Variants in PTPRD observed in about 807,000 individuals in gnomAD.
PTPRD encodes the protein protein tyrosine phosphatase receptor type D.
In PTPRD, 34 loss-of-function variants were observed where a neutral mutation model predicts 214.5. The observed-to-expected ratio is 0.16, with a 90% CI of 0.12 to 0.21. The LOEUF (loss-of-function observed/expected upper bound fraction) is 0.21, where lower values mean the gene tolerates loss of function less well. PTPRD is among the 10% of genes least tolerant of loss of function. The pLI, the probability that PTPRD is intolerant of heterozygous loss-of-function variation, is 1.00. For synonymous variants in PTPRD, 1,128 were observed against 845.7 expected (o/e 1.33, Z -5.79); for missense variants, 2,545 against 2,398.7 (o/e 1.06, Z -1.27).
At chr9:9,324,102 G>T (rs892346314) in intron 9 of PTPRD, among the ~76,000 whole-genome samples, 4 of 152,116 alleles carry the variant, frequency 2.6e-5, no homozygotes, top group African/African-American at 9.7e-5. Context: ...ATGGACATTT[G>T]GGTTGGTTCC....
intron 3 of PTPRD, among the ~76,000 whole-genome samples, chr9:10,226,225 A>G (rs1447841197): frequency 6.6e-6 from 1 of 152,000 alleles, no homozygotes; most frequent in Non-Finnish European, 1.5e-5. Flanking sequence ...GCTTCTGCCA[A>G]CTCACCTACT....
At chr9:8,439,863 C>A (rs1451975391) in intron 34 of PTPRD, among the ~76,000 whole-genome samples, 2 of 151,220 alleles carry the variant, frequency 1.3e-5, no homozygotes, top group Admixed American at 6.6e-5. Context: ...GCAACCTGAC[C>A]ACTGCTCAGT....
intron 9 of PTPRD, among the ~76,000 whole-genome samples, chr9:9,219,332 T>C (rs901011230): frequency 2.6e-5 from 4 of 152,100 alleles, no homozygotes; most frequent in African/African-American, 2.4e-5. Context: ...AATAGGATTA[T>C]ATTTCAGGGA....
chr9:9,656,626 A>G (rs573416655), intron 7 of PTPRD, among the ~76,000 whole-genome samples: 37 of 152,298 alleles, frequency 2.4e-4, no homozygotes, highest in African/African-American at 8.9e-4. Flanking sequence ...GGAGCAGTGC[A>G]GAGGAATAGG....
chr9:9,420,408 T>C (rs1041567642), intron 8 of PTPRD, among the ~76,000 whole-genome samples: 6 of 151,840 alleles, frequency 4.0e-5, no homozygotes, highest in Admixed American at 2.0e-4. Flanking sequence ...GCCTCCCCTA[T>C]TGTTTATCAT....
intron 11 of PTPRD, among the ~76,000 whole-genome samples, chr9:8,983,449 G>A (rs1010165983): frequency 1.1e-4 from 16 of 151,828 alleles, no homozygotes; most frequent in East Asian, 5.8e-4. Context: ...TGTTCAATAC[G>A]TTTTCTCTTA....
intron 3 of PTPRD, among the ~76,000 whole-genome samples, chr9:10,297,372 C>G (rs1018253299): frequency 2.6e-5 from 4 of 151,496 alleles, no homozygotes. Context: ...CTTTGCACAC[C>G]AAGTGTGGGA....
intron 10 of PTPRD, among the ~76,000 whole-genome samples, chr9:9,149,034 T>C (rs1166749283): frequency 6.6e-6 from 1 of 152,148 alleles, no homozygotes. Context: ...ATGAAGAACT[T>C]TATTTTCAGT....
At chr9:10,156,313 C>G (rs1222680810) in intron 3 of PTPRD, among the ~76,000 whole-genome samples, 1 of 152,058 alleles carries the variant, frequency 6.6e-6, no homozygotes, top group Non-Finnish European at 1.5e-5. Context: ...TAGCTATGTG[C>G]CAGAGATTCT....
At chr9:9,787,176 C>A (rs192880708) in intron 5 of PTPRD, among the ~76,000 whole-genome samples, 1 of 151,098 alleles carries the variant, frequency 6.6e-6, no homozygotes, top group African/African-American at 2.4e-5. Context: ...GTTTAAAAAT[C>A]AATTTTATTT....
At chr9:8,939,655 T>A (rs902915612) in intron 11 of PTPRD, among the ~76,000 whole-genome samples, 6 of 152,176 alleles carry the variant, frequency 3.9e-5, no homozygotes, top group Admixed American at 6.5e-5. Context: ...AAAGGCAATC[T>A]GAAAAAGAAT....
intron 11 of PTPRD, among the ~76,000 whole-genome samples, chr9:8,857,377 C>T (rs1586706396): frequency 6.6e-6 from 1 of 152,308 alleles, no homozygotes; most frequent in East Asian, 1.9e-4. Context: ...CATACCCGGA[C>T]ACCCCCATTC....
At chr9:9,243,928 C>A (rs1342475129) in intron 9 of PTPRD, among the ~76,000 whole-genome samples, 1 of 152,182 alleles carries the variant, frequency 6.6e-6, no homozygotes, top group African/African-American at 2.4e-5. Context: ...AGCTGACAAG[C>A]AACTTCAGCA....
At chr9:10,135,376 G>C (rs562243746) in intron 3 of PTPRD, among the ~76,000 whole-genome samples, 3 of 152,028 alleles carry the variant, frequency 2.0e-5, no homozygotes, top group African/African-American at 7.2e-5. Flanking sequence ...AAAATACACA[G>C]AACCCCCATG....
intron 4 of PTPRD, among the ~76,000 whole-genome samples, chr9:9,980,301 T>C (rs886635897): frequency 4.0e-5 from 6 of 151,716 alleles, no homozygotes; most frequent in Non-Finnish European, 8.8e-5. Flanking sequence ...ATAACACATA[T>C]CTGTGGTATT....
intron 10 of PTPRD, among the ~76,000 whole-genome samples, chr9:9,081,031 T>A (rs2099758263): frequency 6.6e-6 from 1 of 152,158 alleles, no homozygotes; most frequent in Non-Finnish European, 1.5e-5. Context: ...TCTTTTCTTC[T>A]GCTAGCTTTT....
At chr9:8,986,012 C>A (rs1164893185) in intron 11 of PTPRD, among the ~76,000 whole-genome samples, 1 of 151,994 alleles carries the variant, frequency 6.6e-6, no homozygotes, top group Non-Finnish European at 1.5e-5. Flanking sequence ...AGCTTTTTTA[C>A]AGTAGTTGAT....
chr9:9,957,124 CATTTT>C (rs1205640064), intron 4 of PTPRD, among the ~76,000 whole-genome samples: 1 of 152,104 alleles, frequency 6.6e-6, no homozygotes, highest in Admixed American at 6.5e-5. Context: ...CCACTGTATT[CATTTT>C]GACTCCACAA....
At chr9:9,244,456 A>C (rs891697537) in intron 9 of PTPRD, among the ~76,000 whole-genome samples, 22 of 152,290 alleles carry the variant, frequency 1.4e-4, no homozygotes, top group Non-Finnish European at 1.8e-4. Context: ...CCAATGGAAC[A>C]GAACAGAGCC....
Sources: allele counts gnomAD v4.1 joint callset (sites outside exome capture counted in the v4.1 genomes callset), GRCh38; gene constraint gnomAD v4.1.1; transcripts MANE v1.5; gene names NCBI Gene and HGNC (gene_info 2026-07-23, HGNC 2026-07-21).